The following CPSF4L variants were observed in gnomAD, a reference collection of about 807,000 sequenced individuals.
The protein encoded by CPSF4L is cleavage and polyadenylation specific factor 4 like.
A neutral mutation model predicts 24.0 loss-of-function variants in CPSF4L; 18 were observed. The ratio of observed to expected loss-of-function variants is 0.75; its 90% confidence interval spans 0.52 to 1.11. The LOEUF (loss-of-function observed/expected upper bound fraction) is 1.11, where lower values mean the gene tolerates loss of function less well. Ranked by LOEUF, CPSF4L falls within the 50% of genes least tolerant of loss-of-function variation. The pLI, the probability that CPSF4L is intolerant of heterozygous loss-of-function variation, is 0.00. For synonymous variants in CPSF4L, 72 were observed against 77.2 expected, an observed-to-expected ratio of 0.93 and a Z score of 0.35; for missense variants, 211 against 221.8, an observed-to-expected ratio of 0.95 and a Z score of 0.31.
downstream of CPSF4L, chr17:73,247,220 T>C (rs2061963258): frequency 6.2e-7 from 1 of 1,607,488 alleles, no homozygotes; most frequent in Non-Finnish European, 8.5e-7. Flanking sequence ...GCTGAAAATA[T>C]TTACTATCTG....
chr17:73,260,430 G>A (rs968073095), intron 2 of CPSF4L, among the ~76,000 whole-genome samples: 11 of 152,122 alleles, frequency 7.2e-5, no homozygotes, highest in Admixed American at 6.5e-5. Flanking sequence ...CAGGCTGCTC[G>A]GTGGATCCAA....
chr17:73,251,750 G>T (rs887939192), intron 5 of CPSF4L, among the ~76,000 whole-genome samples: 5 of 152,230 alleles, frequency 3.3e-5, no homozygotes, highest in Admixed American at 2.6e-4. Flanking sequence ...CAGCAGGCTG[G>T]ACTTGGCCCA....
intron 5 of CPSF4L, 113 bp from the exon 6 acceptor site, chr17:73,248,649 A>C: frequency 9.2e-7 from 1 of 1,083,810 alleles, no homozygotes; most frequent in Non-Finnish European, 1.4e-6. Flanking sequence ...TCCATGCTTG[A>C]GAGGACGTAT....
chr17:73,244,559 C>CAAAAAAAAAAAAAAAAAAAAAAA (rs71154984), downstream of CPSF4L: 1 of 77,278 alleles, frequency 1.3e-5, no homozygotes. Flanking sequence ...AACTGCATCT[C>CAAAAAAAAAAAAAAAAAAAAAAA]AAAAAAAAAA....
chr17:73,249,384 A>G (rs939863089), intron 5 of CPSF4L, among the ~76,000 whole-genome samples: 3 of 152,132 alleles, frequency 2.0e-5, no homozygotes, highest in African/African-American at 7.2e-5. Context: ...TCATTTTCCA[A>G]AAAGAAAACG....
downstream of CPSF4L, chr17:73,247,947 AT>A (rs2061974780): frequency 6.5e-6 from 1 of 154,322 alleles, no homozygotes; most frequent in Non-Finnish European, 1.4e-5. Flanking sequence ...GGTTGGGAAA[AT>A]AATTGAAGAT....
downstream of CPSF4L, chr17:73,245,096 A>G (rs993569469): frequency 7.0e-7 from 1 of 1,420,758 alleles, no homozygotes. Flanking sequence ...AATGATCTGT[A>G]GAGGCAAAAG....
intron 5 of CPSF4L, among the ~76,000 whole-genome samples, chr17:73,251,947 A>G (rs1421552882): frequency 6.6e-6 from 1 of 152,194 alleles, no homozygotes; most frequent in Non-Finnish European, 1.5e-5. Flanking sequence ...GTCCTACCCT[A>G]CCCACAGCAG....
At chr17:73,243,384 C>T in the CPSF4L span, among the ~76,000 whole-genome samples, 2 of 151,996 alleles carry the variant, frequency 1.3e-5, no homozygotes, top group African/African-American at 4.8e-5. Context: ...GAACTGCCGA[C>T]CTCAGGTGAT....
At chr17:73,250,949 A>G in intron 5 of CPSF4L, 2 of 1,498,184 alleles carry the variant, frequency 1.3e-6, no homozygotes, top group Non-Finnish European at 1.8e-6. Context: ...GCACTAGCCC[A>G]GCCCTGTGGG....
chr17:73,256,626 T>C (rs946176579), intron 3 of CPSF4L, among the ~76,000 whole-genome samples: 15 of 152,232 alleles, frequency 9.9e-5, no homozygotes, highest in Admixed American at 3.9e-4. Context: ...AGCTCTGAGC[T>C]GTAGAATCGT....
intron 2 of CPSF4L, 37 bp downstream of exon 2, chr17:73,260,896 C>A: frequency 6.5e-7 from 1 of 1,536,142 alleles, no homozygotes; most frequent in South Asian, 1.2e-5. Flanking sequence ...ACCCTACACT[C>A]ACCCAGCTTG....
At chr17:73,247,119 C>G (rs368493358), downstream of CPSF4L, 14 of 809,172 alleles carry the variant, frequency 1.7e-5, no homozygotes, top group South Asian at 1.6e-4. Context: ...CAAAAACAAG[C>G]CCTGCTCATT....
chr17:73,246,301 A>G (rs559400726), downstream of CPSF4L, among the ~76,000 whole-genome samples: 1 of 152,260 alleles, frequency 6.6e-6, no homozygotes, highest in South Asian at 2.1e-4. Flanking sequence ...TGGTAGGCCA[A>G]GGCGGGCGGA....
chr17:73,260,416 G>A (rs1477581340), intron 2 of CPSF4L, among the ~76,000 whole-genome samples: 1 of 152,148 alleles, frequency 6.6e-6, no homozygotes, highest in Non-Finnish European at 1.5e-5. Context: ...TCTTAGGGGA[G>A]GGGCAGGCTG....
At position 73,252,739 on chromosome 17, in the gene CPSF4L, A is replaced by C. The variant is rs377495286; in HGVS notation, c.404-16T>G. On this transcript the variant is annotated splice_polypyrimidine_tract_variant and intron_variant, in intron 4 of 5. Transcript: ENST00000344935. ...CACAGAGGACCTGCTGAGCAAAGAG[A>C]AAGTGATGAGAAGGATCCGCTTCAG... is the stretch of plus-strand genomic sequence containing the variant. The C allele has an allele frequency of 1.3e-4, 204 of 1,522,910 alleles. No homozygotes were observed. The highest frequency in any genetic ancestry group is 8.0e-5 in the Admixed American group (4 of 49,940). The allele number at this position is 1,522,910 out of a possible 1,614,324, so 94.3% of individuals were successfully genotyped here. A position where few individuals can be genotyped will look rare whatever the true frequency, so the allele number is the denominator to read the frequency against.
At chr17:73,262,767 C>T (rs1456565093), upstream of CPSF4L, among the ~76,000 whole-genome samples, 2 of 152,184 alleles carry the variant, frequency 1.3e-5, no homozygotes, top group Non-Finnish European at 2.9e-5. Context: ...GTCACATTGG[C>T]TTTTAATGCC....
At chr17:73,255,650 T>G (rs1257514782) in intron 3 of CPSF4L, among the ~76,000 whole-genome samples, 1 of 152,124 alleles carries the variant, frequency 6.6e-6, no homozygotes, top group African/African-American at 2.4e-5. Flanking sequence ...TCATTCAGCT[T>G]CCTCACGTTC....
At chr17:73,244,982 G>A (rs1000524839), downstream of CPSF4L, among the ~76,000 whole-genome samples, 1 of 152,212 alleles carries the variant, frequency 6.6e-6, no homozygotes, top group African/African-American at 2.4e-5. Flanking sequence ...CAGTCTGAAA[G>A]GGATTGTTTG....
Sources: gnomAD v4.1 joint callset for allele counts (sites outside exome capture counted in the v4.1 genomes callset) on GRCh38, gnomAD v4.1.1 for gene constraint, MANE v1.5 for transcripts, NCBI Gene and HGNC (gene_info 2026-07-23, HGNC 2026-07-21) for gene names.